Variants in MSRB3 observed in about 807,000 individuals in gnomAD.
The protein encoded by MSRB3 is methionine-R-sulfoxide reductase B3.
Under a neutral mutation model 21.0 loss-of-function variants are expected in MSRB3, and 13 were observed. The ratio of observed to expected loss-of-function variants is 0.62; its 90% CI spans 0.40 to 0.98. The LOEUF is 0.98. MSRB3 is among the 50% of genes least tolerant of loss of function. The pLI, the probability that MSRB3 is intolerant of heterozygous loss-of-function variation, is 0.00. For synonymous variants in MSRB3, 87 were observed against 88.6 expected, an observed-to-expected ratio of 0.98 and a Z score of 0.10; for missense variants, 199 against 230.3, an observed-to-expected ratio of 0.86 and a Z score of 0.88.
intron 4 of MSRB3, among the ~76,000 whole-genome samples, chr12:65,341,548 A>G (rs1356524861): frequency 6.6e-6 from 1 of 151,792 alleles, no homozygotes; most frequent in East Asian, 1.9e-4. Flanking sequence ...GTACATTAAA[A>G]AAAAAAAACT....
chr12:65,367,772 G>T (rs1184988069), intron 4 of MSRB3, among the ~76,000 whole-genome samples: 1 of 152,140 alleles, frequency 6.6e-6, no homozygotes, highest in African/African-American at 2.4e-5. Flanking sequence ...TTGAGATGAG[G>T]ACTATGGTAG....
chr12:65,348,035 T>C (rs1876647821), intron 4 of MSRB3, among the ~76,000 whole-genome samples: 1 of 152,150 alleles, frequency 6.6e-6, no homozygotes. Context: ...GGGATATTGG[T>C]CTAAAATTCT....
chr12:65,338,456 A>G (rs1218587584), intron 4 of MSRB3, among the ~76,000 whole-genome samples: 1 of 152,212 alleles, frequency 6.6e-6, no homozygotes, highest in East Asian at 1.9e-4. Flanking sequence ...GCTTGTTACA[A>G]CAATAGCATT....
chr12:65,409,976 G>A (rs1411742325), intron 5 of MSRB3, among the ~76,000 whole-genome samples: 5 of 151,840 alleles, frequency 3.3e-5, no homozygotes, highest in Admixed American at 2.6e-4. Flanking sequence ...GATTTTATGG[G>A]TGTTTCAATT....
rs530362591 is a variant in MSRB3, at chr12:65,435,366, C to T, written c.293-18362C>T. Reference sequence around the variant, plus strand: ...CTTTAGTATTTTCTCTGCCAGGCTACGTAATCCTAGTTGCTAGTTTATTTA... The same window carrying T: ...CTTTAGTATTTTCTCTGCCAGGCTATGTAATCCTAGTTGCTAGTTTATTTA... On this transcript the variant is annotated intron_variant, in intron 5 of 6. Transcript: ENST00000308259. Among the ~76,000 whole-genome samples the T allele has an allele frequency of 1.5e-4, 23 of 151,948 alleles. No homozygotes were observed. In the South Asian group the frequency reaches 1.9e-3, roughly 12 times the overall value.
chr12:65,331,864 C>T (rs1223689298), intron 4 of MSRB3, among the ~76,000 whole-genome samples: 3 of 152,154 alleles, frequency 2.0e-5, no homozygotes, highest in Admixed American at 2.0e-4. Flanking sequence ...AGAAGCTGCC[C>T]ACATTGCAAA....
chr12:65,300,369 C>T (rs768380595), intron 1 of MSRB3, among the ~76,000 whole-genome samples: 2 of 152,140 alleles, frequency 1.3e-5, no homozygotes, highest in East Asian at 1.9e-4. Flanking sequence ...AATTAAGAAT[C>T]TCTTTGGGAT....
intron 5 of MSRB3, among the ~76,000 whole-genome samples, chr12:65,418,324 T>C (rs985866976): frequency 6.6e-6 from 1 of 152,206 alleles, no homozygotes; most frequent in Non-Finnish European, 1.5e-5. Flanking sequence ...ATCAAGTCCT[T>C]TGCCCGTTTT....
At chr12:65,375,275 G>A (rs1592577953) in intron 5 of MSRB3, among the ~76,000 whole-genome samples, 1 of 152,156 alleles carries the variant, frequency 6.6e-6, no homozygotes, top group Non-Finnish European at 1.5e-5. Context: ...TCAGATAGAT[G>A]TAAGTCTCTC....
intron 2 of MSRB3, among the ~76,000 whole-genome samples, chr12:65,312,642 T>G (rs1874053679): frequency 6.6e-6 from 1 of 152,108 alleles, no homozygotes; most frequent in Admixed American, 6.6e-5. Flanking sequence ...GTCACATGGC[T>G]GTAGCTTATA....
intron 5 of MSRB3, among the ~76,000 whole-genome samples, chr12:65,376,610 C>T (rs903897058): frequency 6.6e-6 from 1 of 151,536 alleles, no homozygotes; most frequent in Non-Finnish European, 1.5e-5. Context: ...TGTTCTCACT[C>T]ATAAGTGGGA....
chr12:65,292,634 T>C (rs1262960112), intron 1 of MSRB3, among the ~76,000 whole-genome samples: 1 of 152,120 alleles, frequency 6.6e-6, no homozygotes, highest in Non-Finnish European at 1.5e-5. Context: ...ATTTATTCCA[T>C]GGCTTTAGTT....
intron 4 of MSRB3, among the ~76,000 whole-genome samples, chr12:65,362,475 G>A (rs1877767609): frequency 6.6e-6 from 1 of 152,038 alleles, no homozygotes; most frequent in South Asian, 2.1e-4. Context: ...TCATCCCTGG[G>A]GAGTGCACAT....
intron 5 of MSRB3, among the ~76,000 whole-genome samples, chr12:65,375,792 C>T (rs1392776803): frequency 6.6e-6 from 1 of 151,812 alleles, no homozygotes; most frequent in Admixed American, 6.6e-5. Flanking sequence ...ATGATAGTTA[C>T]TTAGGAAGCT....
At chr12:65,444,969 T>C (rs1245176801) in intron 5 of MSRB3, among the ~76,000 whole-genome samples, 1 of 152,226 alleles carries the variant, frequency 6.6e-6, no homozygotes, top group Non-Finnish European at 1.5e-5. Context: ...TTACTGTCTT[T>C]TATGTTGTGA....
At chr12:65,376,977 G>A (rs1182949898) in intron 5 of MSRB3, among the ~76,000 whole-genome samples, 1 of 152,118 alleles carries the variant, frequency 6.6e-6, no homozygotes, top group African/African-American at 2.4e-5. Flanking sequence ...AAGGAAAGAG[G>A]CTCTGAGACT....
intron 4 of MSRB3, among the ~76,000 whole-genome samples, chr12:65,331,844 C>T (rs1319429060): frequency 6.6e-6 from 1 of 152,206 alleles, no homozygotes; most frequent in Non-Finnish European, 1.5e-5. Context: ...TAACAGGAGC[C>T]TGGCACTAGA....
intron 2 of MSRB3, among the ~76,000 whole-genome samples, chr12:65,323,720 C>G (rs1874838924): frequency 6.6e-6 from 1 of 152,102 alleles, no homozygotes; most frequent in Non-Finnish European, 1.5e-5. Flanking sequence ...TCAAGATTAA[C>G]AGTGGCACCA....
chr12:65,326,898 T>A lies in MSRB3; in HGVS notation c.149T>A (p.Leu50Gln). 6.2e-7 allele frequency: 1 copy of A among 1,613,918 alleles called. No individual in the cohort carries two copies. Among genetic ancestry groups the A allele is most frequent in the Non-Finnish European group, 8.5e-7 (1 of 1,179,876 alleles). ...GAACTGAGGAAGCGGCTAACACCCC[T>A]GCAGTACCATGTCACTCAGGAGAAA... ...QQELRKRLTP[L>Q]QYHVTQEKGT... Residue 50 changes from leucine to glutamine, a missense_variant, in exon 3 of 7, where the codon CTG becomes CAG. Coordinates refer to ENST00000308259, the MANE Select transcript of MSRB3 (RefSeq NM_001031679.3).
Sources: gnomAD v4.1 joint callset for allele counts (sites outside exome capture counted in the v4.1 genomes callset) on GRCh38, gnomAD v4.1.1 for gene constraint, MANE v1.5 for transcripts, NCBI Gene and HGNC (gene_info 2026-07-23, HGNC 2026-07-21) for gene names.